SIK3: variants seen among roughly 807,000 people sequenced by gnomAD.
The protein encoded by SIK3 is serine/threonine-protein kinase SIK3.
In SIK3, 28 loss-of-function variants were observed where a neutral mutation model predicts 144.2. The ratio of observed to expected loss-of-function variants is 0.19; its 90% CI spans 0.14 to 0.27. The LOEUF (loss-of-function observed/expected upper bound fraction) is 0.27. SIK3 is among the 10% of genes least tolerant of loss of function. SIK3 has a pLI of 1.00. For missense variants in SIK3, 1,319 were observed against 1,776.0 expected (o/e 0.74, Z 4.62); for synonymous variants, 686 against 676.3 (o/e 1.01, Z -0.22).
At chr11:116,941,083 T>G (rs1948273234) in intron 3 of SIK3, among the ~76,000 whole-genome samples, 1 of 152,112 alleles carries the variant, frequency 6.6e-6, no homozygotes, top group Admixed American at 6.6e-5. Flanking sequence ...CTCGGCTCAC[T>G]GCAAGCTCCG....
intron 21 of SIK3, 45 bp downstream of exon 21, chr11:116,857,765 T>A: frequency 6.3e-7 from 1 of 1,597,132 alleles, no homozygotes. Context: ...AGTCAGTTGA[T>A]TAGGGCAGAC....
At chr11:117,070,389 TG>T (rs1205796412) in intron 1 of SIK3, among the ~76,000 whole-genome samples, 6 of 151,948 alleles carry the variant, frequency 3.9e-5, no homozygotes, top group Admixed American at 6.6e-5. Flanking sequence ...AATTCAAGGC[TG>T]CAGTGAGCCA....
At chr11:116,970,553 T>C (rs777093134) in intron 1 of SIK3, among the ~76,000 whole-genome samples, 4 of 152,220 alleles carry the variant, frequency 2.6e-5, no homozygotes, top group Non-Finnish European at 5.9e-5. Flanking sequence ...GGTCTCACTA[T>C]AGTCCAGGCT....
chr11:117,057,597 A>G (rs1345414226), intron 1 of SIK3, among the ~76,000 whole-genome samples: 2 of 152,188 alleles, frequency 1.3e-5, no homozygotes, highest in Admixed American at 6.5e-5. Flanking sequence ...GACCTCGAGG[A>G]GCTTAGAGCC....
intron 4 of SIK3, among the ~76,000 whole-genome samples, chr11:116,923,248 C>G (rs962170646): frequency 2.6e-5 from 4 of 152,146 alleles, no homozygotes; most frequent in Non-Finnish European, 5.9e-5. Context: ...ACCAAAAAAC[C>G]CTTTTTCTCT....
At chr11:117,040,945 CTCCTTT>C (rs1591593664) in intron 1 of SIK3, among the ~76,000 whole-genome samples, 1 of 124,114 alleles carries the variant, frequency 8.1e-6, no homozygotes. Context: ...AGTTACCTGC[CTCCTTT>C]TTTTTTTTTT....
chr11:116,928,028 A>G (rs1285995422), intron 3 of SIK3, among the ~76,000 whole-genome samples: 1 of 152,254 alleles, frequency 6.6e-6, no homozygotes, highest in Non-Finnish European at 1.5e-5. Context: ...GATAATTTTT[A>G]CAGATAACAT....
intron 1 of SIK3, among the ~76,000 whole-genome samples, chr11:116,974,404 G>A (rs2135481023): frequency 6.6e-6 from 1 of 152,186 alleles, no homozygotes; most frequent in South Asian, 2.1e-4. Flanking sequence ...GAACACTTTG[G>A]AACCCTTTTT....
chr11:117,063,670 C>G (rs1233002636), intron 1 of SIK3, among the ~76,000 whole-genome samples: 1 of 150,700 alleles, frequency 6.6e-6, no homozygotes, highest in Non-Finnish European at 1.5e-5. Context: ...ACTGCAACCT[C>G]TGTCTCCCGG....
chr11:116,972,038 G>C (rs1220414670), intron 1 of SIK3, among the ~76,000 whole-genome samples: 1 of 149,592 alleles, frequency 6.7e-6, no homozygotes, highest in Non-Finnish European at 1.5e-5. Context: ...AGAGAGCTGA[G>C]ATCGCCTCAC....
chr11:116,859,627 G>A (rs753942072), intron 19 of SIK3, 23 bp from the exon 20 acceptor site: 1 of 1,602,304 alleles, frequency 6.2e-7, no homozygotes, highest in South Asian at 1.1e-5. Context: ...GAACCTCAGA[G>A]TGACCAAGTG....
chr11:116,936,376 A>ATGTTGGTCAGG (rs1329987040), intron 3 of SIK3, among the ~76,000 whole-genome samples: 1 of 152,076 alleles, frequency 6.6e-6, no homozygotes, highest in Non-Finnish European at 1.5e-5. Context: ...GAGTTTCACC[A>ATGTTGGTCAGG]TGTTGGTCAG....
intron 1 of SIK3, among the ~76,000 whole-genome samples, chr11:116,961,945 A>C (rs910355536): frequency 6.6e-6 from 1 of 152,234 alleles, no homozygotes; most frequent in African/African-American, 2.4e-5. Flanking sequence ...TATTCATTCT[A>C]TGAGAGGAAA....
chr11:117,056,964 A>G (rs527566877), intron 1 of SIK3, among the ~76,000 whole-genome samples: 1 of 152,356 alleles, frequency 6.6e-6, no homozygotes, highest in South Asian at 2.1e-4. Flanking sequence ...CTGACATGAA[A>G]ATATTTCTAT....
chr11:116,964,470 G>C (rs912980819), intron 1 of SIK3, among the ~76,000 whole-genome samples: 1 of 152,138 alleles, frequency 6.6e-6, no homozygotes, highest in Non-Finnish European at 1.5e-5. Flanking sequence ...CTAAGGAATG[G>C]CTGGGATGCA....
At chr11:117,050,502 A>G (rs554140705) in intron 1 of SIK3, among the ~76,000 whole-genome samples, 3 of 152,186 alleles carry the variant, frequency 2.0e-5, no homozygotes, top group Admixed American at 6.5e-5. Context: ...CCTGGCCAAC[A>G]GGGTGAAACC....
intron 1 of SIK3, among the ~76,000 whole-genome samples, chr11:117,016,365 GGAAGGA>G (rs1259000569): frequency 9.4e-5 from 9 of 96,214 alleles, no homozygotes; most frequent in East Asian, 6.3e-4. Flanking sequence ...AGGGAGGGAG[GGAAGGA>G]GAGGGAGGGA....
intron 6 of SIK3, 101 bp downstream of exon 6, chr11:116,896,152 G>C: frequency 2.7e-6 from 4 of 1,501,764 alleles, no homozygotes; most frequent in Non-Finnish European, 3.6e-6. Context: ...AAAAAAGGTT[G>C]TAAGTGGGCC....
chr11:116,946,109 C>T (rs1050339292), intron 3 of SIK3, among the ~76,000 whole-genome samples: 18 of 152,206 alleles, frequency 1.2e-4, no homozygotes, highest in African/African-American at 4.1e-4. Flanking sequence ...CCTCATTGAT[C>T]TTGCTTTAGA....
Sources: gnomAD v4.1 joint callset for allele counts (sites outside exome capture counted in the v4.1 genomes callset) on GRCh38, gnomAD v4.1.1 for gene constraint, MANE v1.5 for transcripts, NCBI Gene and HGNC (gene_info 2026-07-23, HGNC 2026-07-21) for gene names.